MAML2: variants seen among roughly 807,000 people sequenced by gnomAD.
MAML2 encodes mastermind-like protein 2.
A neutral mutation model predicts 96.1 loss-of-function variants in MAML2; 22 were observed. The ratio of observed to expected loss-of-function variants is 0.23; its 90% CI spans 0.16 to 0.33. The LOEUF (loss-of-function observed/expected upper bound fraction) is 0.33, where lower values mean the gene tolerates loss of function less well. Among genes scored for constraint, MAML2 ranks in the 10% least tolerant of loss-of-function variants. The pLI is 1.00. For synonymous variants in MAML2, 561 were observed against 521.3 expected (o/e 1.08, Z -1.04); for missense variants, 1,367 against 1,392.4 (o/e 0.98, Z 0.29).
intron 1 of MAML2, among the ~76,000 whole-genome samples, chr11:96,239,765 A>T (rs1862408467): frequency 6.6e-6 from 1 of 152,224 alleles, no homozygotes; most frequent in Non-Finnish European, 1.5e-5. Context: ...GTCCCAGAGT[A>T]GAATGAATGT....
In MAML2 at chr11:96,209,231, T is replaced by TG. The variant is rs1327443491; in HGVS notation, c.514-115715dup. On this transcript the variant is annotated intron_variant, in intron 1 of 4. Coordinates refer to ENST00000524717, the MANE Select transcript of MAML2 (RefSeq NM_032427.4). ...TTGAAAACCTGTAACTTTTTTTGGGTGGGGGGTGGGGGGGCAGTCTTTTGG... is the reference window on the plus strand; with the variant it reads ...TTGAAAACCTGTAACTTTTTTTGGGTGGGGGGGTGGGGGGGCAGTCTTTTGG... Among the ~76,000 whole-genome samples the TG allele has an allele frequency of 1.1e-4, 11 of 97,752 alleles. No homozygotes were observed. The South Asian group carries it at 4.2e-3, about 37-fold the overall frequency. 64.1% of individuals were successfully genotyped at this position (97,752 alleles called of 152,430 possible). A position where few individuals can be genotyped will look rare whatever the true frequency, so the allele number is the denominator to read the frequency against.
rs201496515 is a variant in MAML2 at position 95,992,884 on chromosome 11, CTT to C, written c.2140-1163_2140-1162del. 6.9e-5 allele frequency among the ~76,000 whole-genome samples: 10 copies of C among 144,932 alleles called. 1 individual carries two copies. The highest frequency in any genetic ancestry group is 6.2e-4 in the Admixed American group (9 of 14,514). On this transcript the variant is annotated intron_variant, in intron 2 of 4. Transcript: ENST00000524717. The stretch of plus-strand genomic sequence containing the variant: ...GGGAACAAAAGAAATCCAACTCTCT[CTT>C]TTTTTTTTTTAAGAGACAGAGTCTC...
intron 1 of MAML2, among the ~76,000 whole-genome samples, chr11:96,328,472 C>CT (rs1863813884): frequency 6.6e-6 from 1 of 151,854 alleles, no homozygotes; most frequent in Non-Finnish European, 1.5e-5. Flanking sequence ...CTAGTTACAT[C>CT]TTGCTCTGTT....
Position 96,180,816 on chromosome 11 carries a change from G to C in MAML2, c.514-87299C>G, listed in dbSNP as rs185268029. On this transcript the variant is annotated intron_variant, in intron 1 of 4. Transcript: ENST00000524717. Reference sequence around the variant, plus strand: ...AAGCTGTTTATTTCACCTGGGTACAGGCGGGCTGAGTCCGAAAAGAGTCAG... The same window carrying C: ...AAGCTGTTTATTTCACCTGGGTACACGCGGGCTGAGTCCGAAAAGAGTCAG... 3.3e-5 allele frequency among the ~76,000 whole-genome samples: 5 copies of C among 152,284 alleles called. No homozygotes were observed. The East Asian group carries it at 9.7e-4, about 29-fold the overall frequency.
chr11:96,185,520 A>T (rs1053501696), intron 1 of MAML2, among the ~76,000 whole-genome samples: 13 of 152,290 alleles, frequency 8.5e-5, no homozygotes, highest in South Asian at 4.1e-4. Context: ...TGACTGGAGG[A>T]TTGTTCATGC....
At chr11:96,180,994 C>A (rs1034470964) in intron 1 of MAML2, among the ~76,000 whole-genome samples, 5 of 151,952 alleles carry the variant, frequency 3.3e-5, no homozygotes, top group Admixed American at 2.6e-4. Flanking sequence ...AGTGGGGGTG[C>A]TTTCTGAGCC....
chr11:96,008,440 T>A (rs1344570663), intron 2 of MAML2, among the ~76,000 whole-genome samples: 1 of 152,224 alleles, frequency 6.6e-6, no homozygotes, highest in African/African-American at 2.4e-5. Context: ...GGTGCTTTTT[T>A]AAAATGATAT....
At chr11:96,280,132 AT>A (rs1310151683) in intron 1 of MAML2, among the ~76,000 whole-genome samples, 2 of 152,202 alleles carry the variant, frequency 1.3e-5, no homozygotes, top group Non-Finnish European at 2.9e-5. Flanking sequence ...CTGCTATGCT[AT>A]TTCACCCAGT....
At chr11:96,021,244 G>A (rs780839360) in intron 2 of MAML2, among the ~76,000 whole-genome samples, 1 of 152,152 alleles carries the variant, frequency 6.6e-6, no homozygotes, top group Admixed American at 6.5e-5. Context: ...TTGAAGGAAG[G>A]ACTGTATCTG....
At chr11:96,261,247 G>A (rs1862745157) in intron 1 of MAML2, among the ~76,000 whole-genome samples, 1 of 152,004 alleles carries the variant, frequency 6.6e-6, no homozygotes, top group African/African-American at 2.4e-5. Context: ...AGCACGCTCA[G>A]CCCCCTCCGC....
At chr11:96,100,124 G>A (rs954965573) in intron 1 of MAML2, among the ~76,000 whole-genome samples, 4 of 152,176 alleles carry the variant, frequency 2.6e-5, no homozygotes, top group Non-Finnish European at 5.9e-5. Context: ...GCAAGTTGAA[G>A]CCCCATCTGG....
intron 1 of MAML2, among the ~76,000 whole-genome samples, chr11:96,230,911 C>T (rs1862284457): frequency 6.6e-6 from 1 of 152,210 alleles, no homozygotes; most frequent in Admixed American, 6.5e-5. Context: ...TTAATGTCCT[C>T]ATGGTCACAT....
chr11:96,055,290 C>T (rs1338766299), intron 2 of MAML2, among the ~76,000 whole-genome samples: 1 of 152,094 alleles, frequency 6.6e-6, no homozygotes, highest in Non-Finnish European at 1.5e-5. Flanking sequence ...GAAACATAAT[C>T]AGAATTAAAC....
At chr11:96,296,130 G>A (rs1863296108) in intron 1 of MAML2, among the ~76,000 whole-genome samples, 1 of 152,018 alleles carries the variant, frequency 6.6e-6, no homozygotes, top group Admixed American at 6.6e-5. Flanking sequence ...TTGAACTCCT[G>A]GGCTCAAGCA....
chr11:96,102,144 C>T (rs1386956060), intron 1 of MAML2, among the ~76,000 whole-genome samples: 3 of 152,172 alleles, frequency 2.0e-5, no homozygotes, highest in South Asian at 4.2e-4. Context: ...GGCGTGGTGG[C>T]GGGTGCCTGT....
chr11:96,295,351 C>A (rs1389572209), intron 1 of MAML2, among the ~76,000 whole-genome samples: 1 of 152,146 alleles, frequency 6.6e-6, no homozygotes, highest in African/African-American at 2.4e-5. Flanking sequence ...AATGAACTAG[C>A]ATTTTTCAAA....
Position 96,341,769 on chromosome 11 carries a change from G to C in MAML2, c.127C>G (p.Arg43Gly), listed in dbSNP as rs1863998908. ...HSAIVERLRA[R>G]IAVCRQHHLS... ...TGGTGTTGGCGGCAGACAGCGATCC[G>C]AGCCCGGAGGCGCTCCACGATAGCA... Residue 43 changes from arginine (R) to glycine (G), a missense_variant, in exon 1 of 5, where the codon CGG becomes GGG. Transcript: ENST00000524717. The C allele has an allele frequency of 6.2e-7, 1 of 1,611,964 alleles. No individual in the cohort carries two copies. Among genetic ancestry groups the C allele is most frequent in the Admixed American group, 1.7e-5 (1 of 59,890 alleles).
At chr11:96,324,824 T>C (rs1863752539) in intron 1 of MAML2, among the ~76,000 whole-genome samples, 1 of 152,226 alleles carries the variant, frequency 6.6e-6, no homozygotes, top group Admixed American at 6.5e-5. Flanking sequence ...CCAATCTTGG[T>C]GGCAGAGAAG....
chr11:96,152,562 A>G (rs987502232), intron 1 of MAML2, among the ~76,000 whole-genome samples: 1 of 152,224 alleles, frequency 6.6e-6, no homozygotes, highest in African/African-American at 2.4e-5. Flanking sequence ...GGGGCTAGCC[A>G]TAAACCCTTT....
Sources: gnomAD v4.1 joint callset for allele counts (sites outside exome capture counted in the v4.1 genomes callset) on GRCh38, gnomAD v4.1.1 for gene constraint, MANE v1.5 for transcripts, NCBI Gene and HGNC (gene_info 2026-07-23, HGNC 2026-07-21) for gene names.